The following VRTN variants were observed in gnomAD, a reference collection of about 807,000 sequenced individuals.
The protein encoded by VRTN is vertebrae development associated.
Under a neutral mutation model 18.2 loss-of-function variants are expected in VRTN, and 5 were observed. The ratio of observed to expected loss-of-function variants is 0.27; its 90% CI spans 0.14 to 0.58. The LOEUF (loss-of-function observed/expected upper bound fraction) is 0.58, where lower values mean the gene tolerates loss of function less well. VRTN is among the 20% of genes least tolerant of loss of function. VRTN has a pLI of 0.91. For synonymous variants in VRTN, 381 were observed against 393.7 expected (o/e 0.97, Z 0.38); for missense variants, 741 against 939.4 (o/e 0.79, Z 2.76).
chr14:74,306,173 T>TATATATATATATATATGTATGTATATATA (rs1491480014), intron 1 of VRTN: 1 of 48,034 alleles, frequency 2.1e-5, no homozygotes, highest in African/African-American at 1.0e-4. Flanking sequence ...TATATATATA[T>TATATATATATATATATGTATGTATATATA]TTTTTTTTTT....
chr14:74,355,442 A>G (rs1433787220), intron 1 of VRTN, among the ~76,000 whole-genome samples: 12 of 152,216 alleles, frequency 7.9e-5, no homozygotes, highest in Non-Finnish European at 1.0e-4. Flanking sequence ...CAAGCGTGTT[A>G]TAAGTATGCC....
At chr14:74,319,294 A>T (rs8018937) in intron 1 of VRTN, among the ~76,000 whole-genome samples, 20 of 152,200 alleles carry the variant, frequency 1.3e-4, no homozygotes, top group East Asian at 7.7e-4. Context: ...TTGGCCTCCC[A>T]AAGTGCTGGG....
rs147051544 is a variant in VRTN, at chr14:74,319,617, T to A, written c.-164+16441T>A. ...AGGTGGTAAATCAAGAGTTTGTTTATGGACAGGTTAAATTTGAGATGCCTG... is the reference window on the plus strand; with the variant it reads ...AGGTGGTAAATCAAGAGTTTGTTTAAGGACAGGTTAAATTTGAGATGCCTG... On this transcript the variant is annotated intron_variant, in intron 1 of 2. Transcript: ENST00000557177. Among the ~76,000 whole-genome samples, 557 of 152,330 alleles carry A rather than the reference T, an allele frequency of 3.7e-3. 2 individuals are homozygous for A. The highest frequency in any genetic ancestry group is 0.013 in the African/African-American group (534 of 41,580).
chr14:74,343,381 C>T (rs1322878969), intron 2 of VRTN, among the ~76,000 whole-genome samples: 1 of 152,214 alleles, frequency 6.6e-6, no homozygotes, highest in African/African-American at 2.4e-5. Context: ...CCGCCTCAGC[C>T]TCCCAAAGGG....
At position 74,340,790 on chromosome 14, in the gene VRTN, G is replaced by A. The variant is rs550448982; in HGVS notation, c.-2+2906G>A. Reference sequence around the variant, plus strand: ...TTTTGAGACGGAGTCTTGCTCTGTCGCCCAGGCTGGAGTGCAGTGACGCAA... The same window carrying A: ...TTTTGAGACGGAGTCTTGCTCTGTCACCCAGGCTGGAGTGCAGTGACGCAA... On this transcript the variant is annotated intron_variant, in intron 2 of 2. Coordinates refer to the VRTN transcript ENST00000557177. Among the ~76,000 whole-genome samples, 20 of 152,152 alleles carry A rather than the reference G, an allele frequency of 1.3e-4. No individual in the cohort carries two copies. The South Asian group carries it at 3.5e-3, about 27-fold the overall frequency.
intron 1 of VRTN, among the ~76,000 whole-genome samples, chr14:74,334,822 A>C (rs1398318125): frequency 1.3e-5 from 2 of 152,198 alleles, no homozygotes; most frequent in Non-Finnish European, 2.9e-5. Context: ...CATGCCGCCC[A>C]CCTCTGAGCT....
intron 1 of VRTN, among the ~76,000 whole-genome samples, chr14:74,334,615 T>A (rs1256113840): frequency 6.6e-6 from 1 of 152,210 alleles, no homozygotes; most frequent in Non-Finnish European, 1.5e-5. Context: ...GATACTGTTT[T>A]CCAAATTTTA....
chr14:74,317,161 G>A (rs551732914), intron 1 of VRTN, among the ~76,000 whole-genome samples: 1 of 152,218 alleles, frequency 6.6e-6, no homozygotes, highest in Non-Finnish European at 1.5e-5. Context: ...CACCCTGGAT[G>A]CTGCTGTATG....
chr14:74,317,224 A>T (rs2085424157), intron 1 of VRTN, among the ~76,000 whole-genome samples: 2 of 152,194 alleles, frequency 1.3e-5, no homozygotes. Context: ...CTGGTATTTC[A>T]GGTGAGAGAG....
intron 1 of VRTN, among the ~76,000 whole-genome samples, chr14:74,325,547 C>A (rs567013246): frequency 7.2e-5 from 11 of 152,032 alleles, no homozygotes; most frequent in Non-Finnish European, 8.8e-5. Flanking sequence ...GTGGCTCACG[C>A]CTGTTACCCC....
At chr14:74,316,077 C>CA (rs1414899566) in intron 1 of VRTN, among the ~76,000 whole-genome samples, 2 of 152,204 alleles carry the variant, frequency 1.3e-5, no homozygotes, top group Non-Finnish European at 2.9e-5. Context: ...GCACTCCCAG[C>CA]AGCTGGGGCA....
chr14:74,344,757 G>GTAAA (rs1402874916), upstream of VRTN, among the ~76,000 whole-genome samples: 1 of 77,840 alleles, frequency 1.3e-5, no homozygotes, highest in Non-Finnish European at 2.6e-5. Context: ...ATGAAAAAAA[G>GTAAA]AAAAATGTAA....
chr14:74,303,688 A>C (rs533592773), intron 1 of VRTN, among the ~76,000 whole-genome samples: 2 of 152,168 alleles, frequency 1.3e-5, no homozygotes, highest in East Asian at 1.9e-4. Context: ...ATGATCCCAC[A>C]GGTCCCTAAA....
intron 1 of VRTN, among the ~76,000 whole-genome samples, chr14:74,324,469 A>T (rs962996357): frequency 5.3e-5 from 8 of 151,710 alleles, no homozygotes; most frequent in Admixed American, 3.3e-4. Flanking sequence ...ATCAAGTAAG[A>T]TTTACACATA....
chr14:74,337,951 T>G (rs2085575840), intron 2 of VRTN: 1 of 152,180 alleles, frequency 6.6e-6, no homozygotes, highest in Non-Finnish European at 1.5e-5. Context: ...GTTTCATCTT[T>G]TTATTGTAAA....
chr14:74,334,906 G>A (rs1356192090), intron 1 of VRTN, among the ~76,000 whole-genome samples: 1 of 152,146 alleles, frequency 6.6e-6, no homozygotes, highest in African/African-American at 2.4e-5. Context: ...CATCACCATT[G>A]AGTAACTTGA....
chr14:74,342,281 T>C (rs2085610382), intron 2 of VRTN, among the ~76,000 whole-genome samples: 2 of 151,246 alleles, frequency 1.3e-5, no homozygotes, highest in Non-Finnish European at 1.5e-5. Context: ...ATTTGTACCA[T>C]ATCTGTTCGG....
chr14:74,320,176 A>G (rs1035151607), intron 1 of VRTN, among the ~76,000 whole-genome samples: 16 of 151,314 alleles, frequency 1.1e-4, no homozygotes, highest in African/African-American at 3.9e-4. Context: ...CTTAAGCCTC[A>G]GTCTTCGAGG....
intron 1 of VRTN, among the ~76,000 whole-genome samples, chr14:74,354,534 AG>A (rs2085710515): frequency 1.3e-5 from 2 of 151,918 alleles, no homozygotes; most frequent in African/African-American, 4.8e-5. Context: ...CCTCCTGAGT[AG>A]CTGGGACCAC....
Sources: gnomAD v4.1 joint callset for allele counts (sites outside exome capture counted in the v4.1 genomes callset) on GRCh38, gnomAD v4.1.1 for gene constraint, MANE v1.5 for transcripts, NCBI Gene and HGNC (gene_info 2026-07-23, HGNC 2026-07-21) for gene names.